Variants in EXOC1L observed in about 807,000 individuals in gnomAD.
EXOC1L encodes the protein exocyst complex component 1-like.
EXOC1L carries 10 observed loss-of-function variants against 4.9 expected under a neutral mutation model. The observed-to-expected ratio is 2.02, with a 90% CI of 1.25 to 3.43. The LOEUF is 3.43. Among genes scored for constraint, EXOC1L ranks in the 30% most tolerant of loss-of-function variants. The pLI is 0.00. For synonymous variants in EXOC1L, 41 were observed against 20.8 expected (o/e 1.97, Z -2.63); for missense variants, 114 against 59.4 (o/e 1.92, Z -3.02).
At chr4:55,833,045 G>C (rs1032884066) in intron 2 of EXOC1L, among the ~76,000 whole-genome samples, 62 of 151,948 alleles carry the variant, frequency 4.1e-4, no homozygotes, top group African/African-American at 1.5e-3. Flanking sequence ...TGGTGTGTTT[G>C]ACATGACTTC....
chr4:55,831,892 T>C (rs1474335572), intron 2 of EXOC1L, among the ~76,000 whole-genome samples: 2 of 152,006 alleles, frequency 1.3e-5, no homozygotes, highest in Non-Finnish European at 2.9e-5. Flanking sequence ...TCCTATAATC[T>C]TAGAGTTGAA....
intron 2 of EXOC1L, among the ~76,000 whole-genome samples, chr4:55,831,846 T>G (rs1163963310): frequency 6.6e-6 from 1 of 152,044 alleles, no homozygotes; most frequent in East Asian, 1.9e-4. Context: ...AATTTTACCA[T>G]CAGCAAGCCC....
intron 1 of EXOC1L, among the ~76,000 whole-genome samples, chr4:55,824,892 G>A (rs1019958580): frequency 4.3e-4 from 66 of 152,208 alleles, no homozygotes; most frequent in African/African-American, 1.6e-3. Flanking sequence ...AGTAACTTAC[G>A]AGACAGATTT....
At chr4:55,821,703 G>C (rs1372536328) in intron 1 of EXOC1L, among the ~76,000 whole-genome samples, 1 of 152,026 alleles carries the variant, frequency 6.6e-6, no homozygotes, top group Admixed American at 6.6e-5. Context: ...CAATAATTCT[G>C]TCATGTAAGA....
At chr4:55,822,367 C>T (rs893676223) in intron 1 of EXOC1L, among the ~76,000 whole-genome samples, 24 of 152,226 alleles carry the variant, frequency 1.6e-4, no homozygotes, top group African/African-American at 3.4e-4. Context: ...TTCCTGGGAC[C>T]GCAGCCCACT....
At chr4:55,837,047 T>C (rs1720182283) in intron 2 of EXOC1L, 38 bp from the exon 3 acceptor site, 1 of 644,642 alleles carries the variant, frequency 1.6e-6, no homozygotes, top group African/African-American at 1.8e-5. Context: ...ACTACTTTCT[T>C]GGCTACCAAC....
rs1221026542 is a variant in EXOC1L, at chr4:55,837,103, C to T, written c.271C>T (p.Leu91=). Residue 91 remains leucine (L), a synonymous_variant, in exon 3 of 3, where the codon CTG becomes TTG. Coordinates refer to ENST00000636125, the MANE Select transcript of EXOC1L (RefSeq NM_001351574.3). ...CTTCCAGGACAATCCATTTTTTGAT[C>T]TGCACTTCAAGAAAGTGTACAGTTT... ...EADTDNPFFD[L]HFKKVYSLEA... is the part of the protein sequence containing the mutation. 2 of 697,390 alleles carry T rather than the reference C, an allele frequency of 2.9e-6. No individual in the cohort carries two copies. Among genetic ancestry groups the T allele is most frequent in the Admixed American group, 2.0e-5 (1 of 49,260 alleles). 43.2% of individuals were successfully genotyped at this position (697,390 alleles called of 1,614,324 possible).
chr4:55,823,084 T>C (rs1335115174), intron 1 of EXOC1L, among the ~76,000 whole-genome samples: 1 of 151,766 alleles, frequency 6.6e-6, no homozygotes, highest in Non-Finnish European at 1.5e-5. Context: ...AGTATTCTCA[T>C]ATTTCTAGAA....
chr4:55,821,248 G>C (rs1426023942), intron 1 of EXOC1L, among the ~76,000 whole-genome samples: 1 of 152,054 alleles, frequency 6.6e-6, no homozygotes, highest in Admixed American at 6.6e-5. Flanking sequence ...TGACACTTTA[G>C]CATATTTTGC....
intron 1 of EXOC1L, among the ~76,000 whole-genome samples, chr4:55,830,166 C>T (rs907524343): frequency 1.3e-5 from 2 of 152,194 alleles, no homozygotes; most frequent in African/African-American, 2.4e-5. Flanking sequence ...GTCTGCTCCA[C>T]ATTACTTATC....
intron 1 of EXOC1L, among the ~76,000 whole-genome samples, chr4:55,827,739 A>G (rs1037730992): frequency 2.0e-5 from 3 of 152,132 alleles, no homozygotes; most frequent in African/African-American, 7.2e-5. Context: ...TAGCTGGAGC[A>G]AGAACATAGT....
chr4:55,821,719 G>A (rs1439404415), intron 1 of EXOC1L, among the ~76,000 whole-genome samples: 1 of 151,992 alleles, frequency 6.6e-6, no homozygotes, highest in Non-Finnish European at 1.5e-5. Context: ...TAAGAAACAA[G>A]GAAAAAACAA....
At chr4:55,822,628 A>C (rs1719777078) in intron 1 of EXOC1L, among the ~76,000 whole-genome samples, 1 of 152,204 alleles carries the variant, frequency 6.6e-6, no homozygotes. Flanking sequence ...GGCATAGTGG[A>C]ACAGACCTTC....
At chr4:55,823,394 ATTTC>A (rs1324009369) in intron 1 of EXOC1L, among the ~76,000 whole-genome samples, 1 of 152,288 alleles carries the variant, frequency 6.6e-6, no homozygotes, top group Non-Finnish European at 1.5e-5. Flanking sequence ...AATCTAAAGA[ATTTC>A]TTTCTTTAAG....
rs187915507 is a variant in EXOC1L, at chr4:55,830,305, G to A, written c.122-1029G>A. ...ACAGAACCAGCTTGCAACTCTCTAAGTAACATTACTCATCTTGAAGGGAAA... is the reference window on the plus strand; with the variant it reads ...ACAGAACCAGCTTGCAACTCTCTAAATAACATTACTCATCTTGAAGGGAAA... On this transcript the variant is annotated intron_variant, in intron 1 of 2. Transcript: ENST00000636125. 8.5e-5 allele frequency among the ~76,000 whole-genome samples: 13 copies of A among 152,246 alleles called. No homozygotes were observed. The East Asian group carries it at 1.7e-3, about 20-fold the overall frequency.
chr4:55,823,823 A>G (rs1213260958), intron 1 of EXOC1L, among the ~76,000 whole-genome samples: 3 of 151,954 alleles, frequency 2.0e-5, no homozygotes, highest in Non-Finnish European at 4.4e-5. Context: ...TTCTCCTGTC[A>G]AGGTTGTTTT....
At chr4:55,822,580 T>C (rs1719775674) in intron 1 of EXOC1L, among the ~76,000 whole-genome samples, 1 of 152,108 alleles carries the variant, frequency 6.6e-6, no homozygotes, top group Admixed American at 6.5e-5. Flanking sequence ...TGACATAGCA[T>C]ATTAAAGCAT....
intron 2 of EXOC1L, among the ~76,000 whole-genome samples, chr4:55,832,382 C>T (rs761278991): frequency 3.3e-5 from 5 of 151,936 alleles, no homozygotes; most frequent in African/African-American, 7.2e-5. Context: ...ATTGTTCCAA[C>T]CTTTAAAATC....
chr4:55,834,572 G>T (rs544648745), intron 2 of EXOC1L, among the ~76,000 whole-genome samples: 3 of 151,884 alleles, frequency 2.0e-5, no homozygotes, highest in Non-Finnish European at 2.9e-5. Context: ...AAAGGCATGA[G>T]GGGTATTTTC....
Sources: gnomAD v4.1 joint callset for allele counts (sites outside exome capture counted in the v4.1 genomes callset) on GRCh38, gnomAD v4.1.1 for gene constraint, MANE v1.5 for transcripts, NCBI Gene and HGNC (gene_info 2026-07-23, HGNC 2026-07-21) for gene names.